KIF1A: variants seen among roughly 807,000 people sequenced by gnomAD.
The protein encoded by KIF1A is kinesin-like protein KIF1A.
A neutral mutation model predicts 227.3 loss-of-function variants in KIF1A; 46 were observed. The ratio of observed to expected loss-of-function variants is 0.20; its 90% confidence interval spans 0.16 to 0.26. The LOEUF (loss-of-function observed/expected upper bound fraction) is 0.26. Among genes scored for constraint, KIF1A ranks in the 10% least tolerant of loss-of-function variants. The probability of loss-of-function intolerance (pLI) is 1.00; values close to 1 mark genes in which losing one functional copy is unlikely to be tolerated. For missense variants in KIF1A, 1,683 were observed against 2,485.9 expected, an observed-to-expected ratio of 0.68 and a Z score of 6.87; for synonymous variants, 1,022 against 1,012.8, an observed-to-expected ratio of 1.01 and a Z score of -0.17.
intron 1 of KIF1A, among the ~76,000 whole-genome samples, chr2:240,814,617 G>A (rs73012754): frequency 0.28 from 43,263 of 152,092 alleles, 7,376 homozygotes; most frequent in South Asian, 0.5. Flanking sequence ...GCGATAAAAG[G>A]GAAAAAACTC....
In KIF1A at chr2:240,726,947, G is replaced by A. The variant is rs1284628032; in HGVS notation, c.4008-7C>T. 1.3e-6 allele frequency: 2 copies of A among 1,561,198 alleles called. No individual in the cohort carries two copies. Among genetic ancestry groups the A allele is most frequent in the Non-Finnish European group, 1.8e-6 (2 of 1,138,620 alleles). On this transcript the variant is annotated splice_region_variant and splice_polypyrimidine_tract_variant and intron_variant, in intron 38 of 48. Transcript: ENST00000498729. The surrounding 1 kb of genome is among the most constrained non-coding windows in gnomAD (Gnocchi z 5.2). The stretch of plus-strand genomic sequence containing the variant: ...CTCAAATTGGTAAAAGGTCCTGAAA[G>A]GAAGCAGAGACAAAGTAGAAGTTGA...
chr2:240,781,845 C>G, intron 10 of KIF1A: 6 of 985,430 alleles, frequency 6.1e-6, no homozygotes, highest in Non-Finnish European at 7.2e-6. Context: ...AGTCCACACG[C>G]CTTCTCCCAG....
rs2054264846 is a variant in KIF1A at position 240,782,971 on chromosome 2, G to T, written c.864+73C>A. The T allele has an allele frequency of 3.2e-6, 4 of 1,233,864 alleles. No individual in the cohort carries two copies. The Middle Eastern group carries it at 5.7e-4, about 177-fold the overall frequency. The allele number at this position is 1,233,864 out of a possible 1,614,324, so 76.4% of individuals were successfully genotyped here. A position where few individuals can be genotyped will look rare whatever the true frequency, so the allele number is the denominator to read the frequency against. On this transcript the variant is annotated intron_variant, in intron 9 of 48. Coordinates refer to ENST00000498729, the MANE Select transcript of KIF1A (RefSeq NM_001244008.2). ...CCCAGACACAGGGCCCGGAAACGAG[G>T]GTGACAGGGGCAGGATGGGGCGCCA...
intron 37 of KIF1A, among the ~76,000 whole-genome samples, chr2:240,738,005 G>A (rs1056769263): frequency 6.6e-6 from 1 of 152,204 alleles, no homozygotes; most frequent in African/African-American, 2.4e-5. Flanking sequence ...CTTAGGTCCT[G>A]GGAAGAGGCA....
chr2:240,786,649 C>A, intron 5 of KIF1A, 136 bp from the exon 6 acceptor site: 1 of 722,912 alleles, frequency 1.4e-6, no homozygotes, highest in Non-Finnish European at 2.2e-6. Context: ...CATCAGGACC[C>A]CTGAGTGAGG....
intron 1 of KIF1A, among the ~76,000 whole-genome samples, chr2:240,818,094 G>A (rs1251794869): frequency 5.9e-5 from 9 of 152,142 alleles, no homozygotes; most frequent in Non-Finnish European, 1.3e-4. Flanking sequence ...GAGCAGGGCT[G>A]GCACACAGCA....
At position 240,758,279 on chromosome 2, in the gene KIF1A, A is replaced by T; in HGVS notation, c.2582+81T>A. The T allele has an allele frequency of 1.4e-6, 2 of 1,468,834 alleles. No individual in the cohort carries two copies. The highest frequency in any genetic ancestry group is 1.8e-6 in the Non-Finnish European group (2 of 1,093,484). The allele number at this position is 1,468,834 out of a possible 1,614,324, so 91.0% of individuals were successfully genotyped here. On this transcript the variant is annotated intron_variant, in intron 26 of 48. Transcript: ENST00000498729. This position sits in a 1 kb window ranked among gnomAD's most constrained non-coding sequence, Gnocchi z 5.2. ...ACTTGTCAGGGCCGCTCCTTGTATC[A>T]GGCCAGGGCCCACTCCTACCCCCAC...
intron 1 of KIF1A, among the ~76,000 whole-genome samples, chr2:240,800,952 G>C (rs2056912885): frequency 2.0e-5 from 3 of 152,106 alleles, no homozygotes; most frequent in African/African-American, 7.2e-5. Flanking sequence ...ACTTCAGTCT[G>C]GCTGCCTGGG....
At chr2:240,783,197 G>A (rs964136608) in intron 8 of KIF1A, 88 bp from the exon 9 acceptor site, 1 of 1,018,132 alleles carries the variant, frequency 9.8e-7, no homozygotes, top group Admixed American at 1.7e-5. Context: ...GACCTGTGCA[G>A]TGTGGAGTGG....
In KIF1A at chr2:240,788,862, G is replaced by A. The variant is rs1050309971; in HGVS notation, c.183+374C>T. Reference sequence around the variant, plus strand: ...GACAGGGCTCAGTGTGGACTGGATCGGGGAGGAGGGAAGGAGAAGAGTCCA... The same window carrying A: ...GACAGGGCTCAGTGTGGACTGGATCAGGGAGGAGGGAAGGAGAAGAGTCCA... On this transcript the variant is annotated intron_variant, in intron 3 of 48. Transcript: ENST00000498729. This position sits in a 1 kb window ranked among gnomAD's most constrained non-coding sequence, Gnocchi z 6.6. 5.9e-5 allele frequency among the ~76,000 whole-genome samples: 9 copies of A among 152,134 alleles called. No homozygotes were observed. The highest frequency in any genetic ancestry group is 1.9e-4 in the East Asian group (1 of 5,194).
At chr2:240,796,744 G>T (rs1254065618) in intron 2 of KIF1A, among the ~76,000 whole-genome samples, 1 of 152,120 alleles carries the variant, frequency 6.6e-6, no homozygotes, top group Non-Finnish European at 1.5e-5. Flanking sequence ...TCATCCCTGG[G>T]CCAGACAGAG....
rs561003215 is a variant in KIF1A at position 240,808,794 on chromosome 2, G to A, written c.-60-10982C>T. Among the ~76,000 whole-genome samples the A allele has an allele frequency of 9.2e-4, 139 of 151,890 alleles. 1 individual carries two copies. The highest frequency in any genetic ancestry group is 3.1e-3 in the African/African-American group (129 of 41,414). ...GCCTGGGATTGGAGTGCAACGGTGCGATCTTGACTCACTGCAACCTCCGCC... is the reference window on the plus strand; with the variant it reads ...GCCTGGGATTGGAGTGCAACGGTGCAATCTTGACTCACTGCAACCTCCGCC... On this transcript the variant is annotated intron_variant, in intron 1 of 48. Coordinates refer to ENST00000498729, the MANE Select transcript of KIF1A (RefSeq NM_001244008.2).
At chr2:240,745,325 G>T in intron 32 of KIF1A, 102 bp downstream of exon 32, 1 of 936,068 alleles carries the variant, frequency 1.1e-6, no homozygotes, top group Non-Finnish European at 1.7e-6. Context: ...GGCAGTCCTG[G>T]CCCACAACTG....
intron 2 of KIF1A, among the ~76,000 whole-genome samples, chr2:240,791,233 G>A (rs1046571200): frequency 1.8e-4 from 27 of 152,236 alleles, no homozygotes; most frequent in African/African-American, 5.3e-4. Flanking sequence ...AACAGCACCC[G>A]TGGCGCCGCC....
intron 38 of KIF1A, 52 bp downstream of exon 38, chr2:240,737,011 G>A: frequency 6.8e-7 from 1 of 1,461,530 alleles, no homozygotes; most frequent in Non-Finnish European, 9.6e-7. Context: ...CTGAGGGCCT[G>A]GCAGGCTGGG....
At chr2:240,783,690 A>G in intron 8 of KIF1A, 49 bp downstream of exon 8, 1 of 1,451,632 alleles carries the variant, frequency 6.9e-7, no homozygotes, top group Non-Finnish European at 9.4e-7. Flanking sequence ...CCCACTCTGG[A>G]GCAGGCCAAA....
chr2:240,728,797 TGCC>T (rs2046304099), intron 38 of KIF1A, among the ~76,000 whole-genome samples: 1 of 152,198 alleles, frequency 6.6e-6, no homozygotes, highest in Non-Finnish European at 1.5e-5. Flanking sequence ...CTGGAACAAG[TGCC>T]TCAGACCGCT....
chr2:240,800,406 C>T (rs1367424688), intron 1 of KIF1A, among the ~76,000 whole-genome samples: 1 of 152,156 alleles, frequency 6.6e-6, no homozygotes, highest in African/African-American at 2.4e-5. Context: ...TACCACGCCG[C>T]ACTGTGTGTG....
intron 1 of KIF1A, among the ~76,000 whole-genome samples, chr2:240,817,117 C>T (rs1430045245): frequency 6.6e-6 from 1 of 152,230 alleles, no homozygotes; most frequent in Non-Finnish European, 1.5e-5. Flanking sequence ...TCTGGGATCC[C>T]AAACCCTCCT....
Sources: allele counts gnomAD v4.1 joint callset (sites outside exome capture counted in the v4.1 genomes callset), GRCh38; gene constraint gnomAD v4.1.1; non-coding constraint Gnocchi (gnomAD v3.1); transcripts MANE v1.5; gene names NCBI Gene and HGNC (gene_info 2026-07-23, HGNC 2026-07-21).